The following CMPK2 variants were observed in gnomAD, a reference collection of about 807,000 sequenced individuals.
CMPK2 encodes UMP-CMP kinase 2, mitochondrial.
In CMPK2, 32 loss-of-function variants were observed where a neutral mutation model predicts 33.4. The observed-to-expected ratio is 0.96, with a 90% CI of 0.72 to 1.29. CMPK2 has a LOEUF of 1.29. Among genes scored for constraint, CMPK2 ranks in the 50% most tolerant of loss-of-function variants. The pLI, the probability that CMPK2 is intolerant of heterozygous loss-of-function variation, is 0.00. For synonymous variants in CMPK2, 299 were observed against 275.3 expected, an observed-to-expected ratio of 1.09 and a Z score of -0.85; for missense variants, 672 against 616.0, an observed-to-expected ratio of 1.09 and a Z score of -0.96.
In CMPK2 at chr2:6,865,140, T is replaced by C; in HGVS notation, c.557A>G (p.Gln186Arg). 1 of 1,526,196 alleles carries C rather than the reference T, an allele frequency of 6.6e-7. No individual in the cohort carries two copies. The highest frequency in any genetic ancestry group is 8.8e-7 in the Non-Finnish European group (1 of 1,138,030). 94.5% of individuals were successfully genotyped at this position (1,526,196 alleles called of 1,614,324 possible). ...GGGCACGACCTGTGCGCAGCCCACC[T>C]GCAGCCGCCTGCCGTCTTGCACCTC... ...LWEVQDGRRL[Q>R]VGCAQVVPVP... is the part of the protein sequence containing the mutation. The change falls in exon 1 of 5, where the codon CAG (glutamine) becomes CGG (arginine). Residue 186 changes from glutamine (Q) to arginine (R), a missense_variant. Coordinates refer to ENST00000256722, the MANE Select transcript of CMPK2 (RefSeq NM_207315.4).
chr2:6,849,127 T>C lies in CMPK2; in HGVS notation c.*723A>G, dbSNP rs778327461. On this transcript the variant is annotated 3_prime_UTR_variant, in exon 5 of 5. Coordinates refer to ENST00000256722, the MANE Select transcript of CMPK2 (RefSeq NM_207315.4). ...ATACTTTAGAAAAAAAGAAAAGAAA[T>C]ATAAATAAGCAAAATATAATTCAGA... 1.0e-5 allele frequency: 10 copies of C among 983,660 alleles called. No homozygotes were observed. The highest frequency in any genetic ancestry group is 1.2e-5 in the Non-Finnish European group (10 of 828,332). The allele number at this position is 983,660 out of a possible 1,614,324, so 60.9% of individuals were successfully genotyped here.
Position 6,849,334 on chromosome 2 carries a change from T to C in CMPK2, c.*516A>G. 2 of 986,484 alleles carry C rather than the reference T, an allele frequency of 2.0e-6. No homozygotes were observed. Among genetic ancestry groups the C allele is most frequent in the South Asian group, 4.7e-5 (1 of 21,360 alleles). 61.1% of individuals were successfully genotyped at this position (986,484 alleles called of 1,614,324 possible). On this transcript the variant is annotated 3_prime_UTR_variant, in exon 5 of 5. Coordinates refer to ENST00000256722, the MANE Select transcript of CMPK2 (RefSeq NM_207315.4). ...GCAGCCAGGACACATAGACAGCCTC[T>C]GCAGGAACACTTGGCTCTAGAATTT...
intron 3 of CMPK2, among the ~76,000 whole-genome samples, chr2:6,853,953 T>A (rs111918804): frequency 6.6e-6 from 1 of 151,902 alleles, no homozygotes; most frequent in African/African-American, 2.4e-5. Context: ...ACACCATCCA[T>A]CCTTCAAAGC....
upstream of CMPK2, chr2:6,866,519 C>A: frequency 1.0e-6 from 1 of 981,110 alleles, no homozygotes. Flanking sequence ...ACCTCGAAAT[C>A]GCCTTTCTTC....
chr2:6,852,248 A>G (rs1362401566), intron 3 of CMPK2, among the ~76,000 whole-genome samples: 1 of 152,242 alleles, frequency 6.6e-6, no homozygotes, highest in Non-Finnish European at 1.5e-5. Flanking sequence ...GCTCCATGAA[A>G]GTCCTCCCTA....
chr2:6,866,220 C>T (rs866081636), upstream of CMPK2, among the ~76,000 whole-genome samples: 1 of 152,232 alleles, frequency 6.6e-6, no homozygotes, highest in Admixed American at 6.5e-5. Flanking sequence ...CACTACTGCC[C>T]TTGGATGACT....
chr2:6,865,189 C>T lies in CMPK2; in HGVS notation c.508G>A (p.Gly170Ser). 1 of 1,532,330 alleles carries T rather than the reference C, an allele frequency of 6.5e-7. No individual in the cohort carries two copies. The highest frequency in any genetic ancestry group is 8.7e-7 in the Non-Finnish European group (1 of 1,143,000). 94.9% of individuals were successfully genotyped at this position (1,532,330 alleles called of 1,614,324 possible). A position where few individuals can be genotyped will look rare whatever the true frequency, so the allele number is the denominator to read the frequency against. Reference protein sequence around the residue: ...HLGEFEADPRGQLWQRLWEVQ... With the variant: ...HLGEFEADPRSQLWQRLWEVQ... ...TCCCAGAGGCGCTGCCACAGCTGGCCGCGCGGGTCGGCCTCGAACTCGCCC... is the reference window on the plus strand; with the variant it reads ...TCCCAGAGGCGCTGCCACAGCTGGCTGCGCGGGTCGGCCTCGAACTCGCCC... Residue 170 changes from glycine (G) to serine (S), a missense_variant, in exon 1 of 5, where the codon GGC becomes AGC. Coordinates refer to ENST00000256722, the MANE Select transcript of CMPK2 (RefSeq NM_207315.4).
intron 3 of CMPK2, among the ~76,000 whole-genome samples, chr2:6,857,722 C>A (rs561620461): frequency 6.6e-6 from 1 of 150,792 alleles, no homozygotes; most frequent in Non-Finnish European, 1.5e-5. Context: ...GCAGGCTCCA[C>A]CCCCTGGGGT....
At chr2:6,862,001 C>T (rs533992560) in intron 2 of CMPK2, 2 of 152,808 alleles carry the variant, frequency 1.3e-5, no homozygotes, top group South Asian at 4.1e-4. Flanking sequence ...TTAGTCCCTT[C>T]CCAGAGCCCA....
chr2:6,866,416 A>T (rs979881440), upstream of CMPK2: 3 of 984,868 alleles, frequency 3.0e-6, no homozygotes, highest in African/African-American at 5.2e-5. Flanking sequence ...TCACCTTTGC[A>T]CACACTCACC....
chr2:6,851,471 G>C lies in CMPK2; in HGVS notation c.1205C>G (p.Ala402Gly). The C allele has an allele frequency of 6.2e-7, 1 of 1,614,208 alleles. No homozygotes were observed. Among genetic ancestry groups the C allele is most frequent in the Non-Finnish European group, 8.5e-7 (1 of 1,180,044 alleles). The stretch of plus-strand genomic sequence containing the variant: ...CTACTTTTGACGAAACACACTGTTG[G>C]CCTCAAGTTCTGCTTCTTCCCTGGT... ...EKTREEAELE[A>G]NSVFRQKVEM... The change falls in exon 4 of 5, where the codon GCC becomes GGC. Residue 402 changes from alanine to glycine, a missense_variant. Physicochemically the swap from Ala to Gly is moderately conservative, Grantham distance 60. Transcript: ENST00000256722.
At chr2:6,851,796 A>C in intron 3 of CMPK2, 113 bp from the exon 4 acceptor site, 1 of 772,646 alleles carries the variant, frequency 1.3e-6, no homozygotes, top group Non-Finnish European at 2.0e-6. Flanking sequence ...AAGTTTTTCT[A>C]GTATTGCATA....
chr2:6,851,449 C>A lies in CMPK2; in HGVS notation c.1226+1G>T, dbSNP rs200519665. Reference sequence around the variant, plus strand: ...ACATTGCATTGCACTGGGACACCTACTTTTGACGAAACACACTGTTGGCCT... The same window carrying A: ...ACATTGCATTGCACTGGGACACCTAATTTTGACGAAACACACTGTTGGCCT... On this transcript the variant is annotated splice_donor_variant, in intron 4 of 4. Transcript: ENST00000256722. LOFTEE classifies it high-confidence loss of function. 1.9e-6 allele frequency: 3 copies of A among 1,614,232 alleles called. No individual in the cohort carries two copies. Among genetic ancestry groups the A allele is most frequent in the Middle Eastern group, 1.6e-4 (1 of 6,062 alleles).
intron 3 of CMPK2, among the ~76,000 whole-genome samples, chr2:6,842,084 T>C (rs994380138): frequency 3.3e-5 from 5 of 152,208 alleles, no homozygotes; most frequent in African/African-American, 1.2e-4. Context: ...GGGTGACTAT[T>C]GCATACCCTG....
intron 3 of CMPK2, among the ~76,000 whole-genome samples, chr2:6,857,670 T>C (rs1662753484): frequency 6.9e-6 from 1 of 145,508 alleles, no homozygotes; most frequent in Non-Finnish European, 1.5e-5. Flanking sequence ...GGAGTCTCGC[T>C]GTCGCCCAGG....
chr2:6,850,358 T>A (rs1662479180), intron 4 of CMPK2, among the ~76,000 whole-genome samples: 1 of 152,244 alleles, frequency 6.6e-6, no homozygotes, highest in Admixed American at 6.5e-5. Flanking sequence ...GTGCCCTGAA[T>A]AATTTTCATA....
In CMPK2 at chr2:6,865,508, C is replaced by T; in HGVS notation, c.189G>A (p.Ala63=). 2 of 1,270,772 alleles carry T rather than the reference C, an allele frequency of 1.6e-6. No homozygotes were observed. Among genetic ancestry groups the T allele is most frequent in the Non-Finnish European group, 2.0e-6 (2 of 1,013,300 alleles). The allele number at this position is 1,270,772 out of a possible 1,614,324, so 78.7% of individuals were successfully genotyped here. A position where few individuals can be genotyped will look rare whatever the true frequency, so the allele number is the denominator to read the frequency against. ...GDADAPDPRL[A]ALLGPPERSY... ...TGCGCTCCGGGGGCCCCAGCAGCGC[C>T]GCCAGGCGGGGGTCGGGGGCGTCTG... Residue 63 remains alanine (A), a synonymous_variant, in exon 1 of 5, where the codon GCG becomes GCA. Transcript: ENST00000256722.
chr2:6,846,440 G>A (rs1183900084), downstream of CMPK2, among the ~76,000 whole-genome samples: 3 of 152,012 alleles, frequency 2.0e-5, no homozygotes, highest in Non-Finnish European at 4.4e-5. Flanking sequence ...CTGTTTCCAG[G>A]AAATCACAAA....
At chr2:6,841,140 CA>C (rs1662222786) in intron 3 of CMPK2, among the ~76,000 whole-genome samples, 1 of 152,084 alleles carries the variant, frequency 6.6e-6, no homozygotes, top group Non-Finnish European at 1.5e-5. Flanking sequence ...AATGAGGGGC[CA>C]TTGTCACTTT....
Sources: gnomAD v4.1 joint callset for allele counts (sites outside exome capture counted in the v4.1 genomes callset) on GRCh38, gnomAD v4.1.1 for gene constraint, MANE v1.5 for transcripts, NCBI Gene and HGNC (gene_info 2026-07-23, HGNC 2026-07-21) for gene names.